Variants in SLC25A53 observed in about 807,000 individuals in gnomAD.
SLC25A53 encodes the protein mitochondrial carrier triple repeat protein 6.
A neutral mutation model predicts 15.0 loss-of-function variants in SLC25A53; 5 were observed. The observed-to-expected ratio is 0.33, with a 90% CI of 0.17 to 0.70. The LOEUF (loss-of-function observed/expected upper bound fraction) is 0.70, where lower values mean the gene tolerates loss of function less well. Among genes scored for constraint, SLC25A53 ranks in the 30% least tolerant of loss-of-function variants. The probability of loss-of-function intolerance (pLI) is 0.67; values close to 1 mark genes in which losing one functional copy is unlikely to be tolerated. For synonymous variants in SLC25A53, 95 were observed against 100.0 expected, an observed-to-expected ratio of 0.95 and a Z score of 0.30; for missense variants, 216 against 241.6, an observed-to-expected ratio of 0.89 and a Z score of 0.70.
At chrX:104,150,187 C>G (rs1328940509) in intron 1 of SLC25A53, among the ~76,000 whole-genome samples, 1 of 105,435 alleles carries the variant, frequency 9.5e-6, no homozygotes, top group East Asian at 3.0e-4. Context: ...GAGCTGAGAT[C>G]GCACCACTGC....
At chrX:104,127,759 T>A (rs782254703) in intron 1 of SLC25A53, among the ~76,000 whole-genome samples, 1 of 111,228 alleles carries the variant, frequency 9.0e-6, no homozygotes, top group South Asian at 3.8e-4. Flanking sequence ...AGGTCAGGAG[T>A]TCGAGACCAG....
At chrX:104,115,392 G>A (rs781926336) in intron 1 of SLC25A53, 2 of 1,013,773 alleles carry the variant, frequency 2.0e-6, no homozygotes, top group Non-Finnish European at 1.3e-6. Context: ...AACAGGAGAG[G>A]GGGGTGGGTT....
At chrX:104,110,363 C>T (rs1371500777) in intron 1 of SLC25A53, among the ~76,000 whole-genome samples, 1 of 111,361 alleles carries the variant, frequency 9.0e-6, no homozygotes, top group African/African-American at 3.3e-5. Context: ...CAGCCTCCAC[C>T]ACCACTACCC....
chrX:104,114,341 T>G, intron 1 of SLC25A53: 3 of 1,211,448 alleles, frequency 2.5e-6, no homozygotes, highest in Non-Finnish European at 3.4e-6. Context: ...GATTGGAGTA[T>G]GTCTGAGGAG....
At chrX:104,114,396 G>A (rs2075365998) in intron 1 of SLC25A53, 12 of 1,210,099 alleles carry the variant, frequency 9.9e-6, no homozygotes, top group African/African-American at 1.8e-5. Flanking sequence ...GCCCTGCCCG[G>A]GAGGTCATGC....
chrX:104,144,395 TGGAG>T (rs1337756767), intron 1 of SLC25A53, among the ~76,000 whole-genome samples: 1 of 111,296 alleles, frequency 9.0e-6, no homozygotes, highest in African/African-American at 3.3e-5. Context: ...AATAAAGGGA[TGGAG>T]GAAGATCTAC....
At chrX:104,123,421 T>C (rs1195450050) in intron 1 of SLC25A53, among the ~76,000 whole-genome samples, 4 of 112,335 alleles carry the variant, frequency 3.6e-5, no homozygotes, top group African/African-American at 1.3e-4. Context: ...TCAGAAACTT[T>C]GAAGGATGGG....
At chrX:104,143,632 G>A (rs1413439529) in intron 1 of SLC25A53, among the ~76,000 whole-genome samples, 1 of 112,104 alleles carries the variant, frequency 8.9e-6, no homozygotes, top group African/African-American at 3.2e-5. Context: ...TTTGATTGGT[G>A]TACCTGAAAG....
Position 104,104,250 on chromosome X carries a change from G to T in SLC25A53, c.*84C>A, listed in dbSNP as rs782254391. On this transcript the variant is annotated 3_prime_UTR_variant, in exon 2 of 2. Coordinates refer to ENST00000594199, the MANE Select transcript of SLC25A53 (RefSeq NM_001012755.5). ...AGATGCTAAAGGATGGCTGTATTAG[G>T]CAACCTAGCCAAAGAAGTAAGCTAT... 187 of 935,268 alleles carry T rather than the reference G, an allele frequency of 2.0e-4. No homozygotes were observed. The African/African-American group carries it at 3.4e-3, about 17-fold the overall frequency. 77.1% of individuals were successfully genotyped at this position (935,268 alleles called of 1,213,427 possible).
chrX:104,124,839 C>CTTTTTT (rs34662574), intron 1 of SLC25A53, among the ~76,000 whole-genome samples: 2 of 62,276 alleles, frequency 3.2e-5, no homozygotes, highest in African/African-American at 5.5e-5. Context: ...AACTTTTTTC[C>CTTTTTT]TTTTTTTTTT....
In SLC25A53 at chrX:104,153,265, T is replaced by A. The variant is rs868974850; in HGVS notation, c.-32+3613A>T. Among the ~76,000 whole-genome samples the A allele has an allele frequency of 9.4e-3, 1,029 of 109,318 alleles. 5 individuals are homozygous for A. Among genetic ancestry groups the A allele is most frequent in the Middle Eastern group, 0.033 (7 of 214 alleles). 94.9% of individuals were successfully genotyped at this position (109,318 alleles called of 115,157 possible). ...GTGTGTGTATATATATATATATATT[T>A]TTTTTTTCTCATATGGAAAACAAAA... On this transcript the variant is annotated intron_variant, in intron 1 of 1. Coordinates refer to ENST00000594199, the MANE Select transcript of SLC25A53 (RefSeq NM_001012755.5).
At chrX:104,123,067 G>A (rs1342396611) in intron 1 of SLC25A53, among the ~76,000 whole-genome samples, 2 of 112,257 alleles carry the variant, frequency 1.8e-5, no homozygotes, top group East Asian at 5.6e-4. Context: ...CTGGTGCACT[G>A]TAACTACTGT....
chrX:104,131,029 G>A (rs1271858973), intron 1 of SLC25A53: 1 of 111,901 alleles, frequency 8.9e-6, no homozygotes, highest in Admixed American at 9.5e-5. Flanking sequence ...CATCTACTGA[G>A]GTCACTCAGT....
intron 1 of SLC25A53, among the ~76,000 whole-genome samples, chrX:104,134,040 G>T (rs1239346737): frequency 1.8e-5 from 2 of 112,102 alleles, no homozygotes; most frequent in Non-Finnish European, 3.8e-5. Flanking sequence ...CAGGTACTAT[G>T]ATTGGAAGCT....
intron 1 of SLC25A53, among the ~76,000 whole-genome samples, chrX:104,129,747 G>GTA (rs1272555537): frequency 9.4e-5 from 10 of 105,878 alleles, no homozygotes; most frequent in Middle Eastern, 4.8e-3. Flanking sequence ...TTTTATATAT[G>GTA]TATATATATA....
intron 1 of SLC25A53, among the ~76,000 whole-genome samples, chrX:104,133,237 C>T (rs1265875126): frequency 2.1e-4 from 24 of 111,664 alleles, no homozygotes; most frequent in African/African-American, 9.8e-5. Flanking sequence ...GTAACCTATA[C>T]CAAAGAAAAA....
intron 1 of SLC25A53, among the ~76,000 whole-genome samples, chrX:104,110,250 G>A (rs10218183): frequency 0.32 from 35,769 of 110,405 alleles, 5,130 homozygotes; most frequent in East Asian, 0.54. Context: ...CACGGGATGG[G>A]GGAGCAGAAG....
intron 1 of SLC25A53, among the ~76,000 whole-genome samples, chrX:104,152,954 T>A (rs921974567): frequency 4.5e-5 from 5 of 111,460 alleles, no homozygotes; most frequent in African/African-American, 1.6e-4. Context: ...GAATGATTAG[T>A]GAAATTTCTG....
intron 1 of SLC25A53, among the ~76,000 whole-genome samples, chrX:104,118,570 ACTTT>A (rs1381476427): frequency 8.8e-6 from 1 of 113,066 alleles, no homozygotes; most frequent in Non-Finnish European, 1.9e-5. Context: ...GATAAGCATG[ACTTT>A]CTATTTCTAA....
Sources: gnomAD v4.1 joint callset for allele counts (sites outside exome capture counted in the v4.1 genomes callset) on GRCh38, gnomAD v4.1.1 for gene constraint, MANE v1.5 for transcripts, NCBI Gene and HGNC (gene_info 2026-07-23, HGNC 2026-07-21) for gene names.